ZBTB38: variants seen among roughly 807,000 people sequenced by gnomAD.
ZBTB38 encodes zinc finger and BTB domain-containing protein 38.
In ZBTB38, 20 loss-of-function variants were observed where a neutral mutation model predicts 76.8. The ratio of observed to expected loss-of-function variants is 0.26; its 90% CI spans 0.18 to 0.38. The LOEUF is 0.38. Among genes scored for constraint, ZBTB38 ranks in the 10% least tolerant of loss-of-function variants. ZBTB38 has a pLI of 1.00. For synonymous variants in ZBTB38, 504 were observed against 544.2 expected, an observed-to-expected ratio of 0.93 and a Z score of 1.03; for missense variants, 1,082 against 1,482.3, an observed-to-expected ratio of 0.73 and a Z score of 4.43.
At chr3:141,385,535 T>TTTTGCAGCAAAACCGTA (rs1946856143) in intron 3 of ZBTB38, among the ~76,000 whole-genome samples, 1 of 152,018 alleles carries the variant, frequency 6.6e-6, no homozygotes, top group Non-Finnish European at 1.5e-5. Context: ...GTGACACTGG[T>TTTTGCAGCAAAACCGTA]TTTGCAGCAA....
chr3:141,421,513 T>C (rs2075367818), intron 5 of ZBTB38, among the ~76,000 whole-genome samples: 1 of 152,130 alleles, frequency 6.6e-6, no homozygotes. Context: ...TGTTTTGTTT[T>C]GTTTTTGTTG....
intron 1 of ZBTB38, among the ~76,000 whole-genome samples, chr3:141,333,712 T>C (rs996827248): frequency 1.4e-4 from 21 of 152,120 alleles, no homozygotes; most frequent in Non-Finnish European, 2.9e-5. Context: ...AGCACCCTCA[T>C]GGACCCAGAG....
intron 1 of ZBTB38, among the ~76,000 whole-genome samples, chr3:141,346,376 G>A (rs976921054): frequency 5.3e-5 from 8 of 152,192 alleles, no homozygotes; most frequent in East Asian, 1.9e-4. Flanking sequence ...TGAAATAAAC[G>A]CTTCCCATTG....
At chr3:141,394,871 T>C (rs1018966356) in intron 4 of ZBTB38, among the ~76,000 whole-genome samples, 1 of 152,182 alleles carries the variant, frequency 6.6e-6, no homozygotes, top group African/African-American at 2.4e-5. Context: ...GAGGGAATCA[T>C]GGCCCAGAGA....
At position 141,442,189 on chromosome 3, in the gene ZBTB38, A is replaced by G. The variant is rs993718566; in HGVS notation, c.1-200A>G. 6.6e-6 allele frequency among the ~76,000 whole-genome samples: 1 copy of G among 152,234 alleles called. No homozygotes were observed. The highest frequency in any genetic ancestry group is 6.5e-5 in the Admixed American group (1 of 15,286). On this transcript the variant is annotated intron_variant, in intron 5 of 5. Coordinates refer to ENST00000321464, the MANE Select transcript of ZBTB38 (RefSeq NM_001376113.1). This position sits in a 1 kb window ranked among gnomAD's most constrained non-coding sequence, Gnocchi z 6.4. The stretch of plus-strand genomic sequence containing the variant: ...TTTCCAATGATAACAACTATTAGCA[A>G]TGGTATGAGAAACAGGCTGGGGCAA...
Position 141,444,076 on chromosome 3 carries a change from A to T in ZBTB38, c.1688A>T (p.Tyr563Phe), listed in dbSNP as rs914646028. ...GGCTTGAAGCCTAGTGTCTATCCGTATAAACTTTATAGGCTACTGCCTATG... is the reference window on the plus strand; with the variant it reads ...GGCTTGAAGCCTAGTGTCTATCCGTTTAAACTTTATAGGCTACTGCCTATG... ...NGGLKPSVYP[Y>F]KLYRLLPMKC... Residue 563 changes from tyrosine to phenylalanine, a missense_variant, in exon 6 of 6, where the codon TAT becomes TTT. Tyr to Phe is a conservative substitution (Grantham distance 22). This residue lies in a region of ZBTB38 where 471 missense variants were observed against 581.0 expected (regional missense o/e 0.81). Coordinates refer to ENST00000321464, the MANE Select transcript of ZBTB38 (RefSeq NM_001376113.1). This position sits in a 1 kb window ranked among gnomAD's most constrained non-coding sequence, Gnocchi z 5.1. The T allele has an allele frequency of 3.7e-6, 6 of 1,614,190 alleles. No individual in the cohort carries two copies. Among genetic ancestry groups the T allele is most frequent in the Non-Finnish European group, 5.1e-6 (6 of 1,180,044 alleles).
At chr3:141,417,955 A>G (rs1023381561) in intron 5 of ZBTB38, among the ~76,000 whole-genome samples, 4 of 152,200 alleles carry the variant, frequency 2.6e-5, no homozygotes, top group African/African-American at 9.7e-5. Flanking sequence ...CAGAGGTTGC[A>G]GTGAGCCGAG....
intron 2 of ZBTB38, among the ~76,000 whole-genome samples, chr3:141,379,984 T>C (rs1945956293): frequency 6.6e-6 from 1 of 152,270 alleles, no homozygotes; most frequent in South Asian, 2.1e-4. Context: ...CATTCTGTCA[T>C]TTAGTCATTA....
intron 4 of ZBTB38, among the ~76,000 whole-genome samples, chr3:141,401,479 G>T (rs1225871301): frequency 6.6e-6 from 1 of 151,916 alleles, no homozygotes; most frequent in Non-Finnish European, 1.5e-5. Flanking sequence ...ATTTAATATT[G>T]GAATCTATTC....
intron 2 of ZBTB38, among the ~76,000 whole-genome samples, chr3:141,378,664 C>T (rs932750643): frequency 6.6e-6 from 1 of 152,226 alleles, no homozygotes; most frequent in Admixed American, 6.5e-5. Context: ...GCAACTCCTA[C>T]TATTTATTTT....
At chr3:141,401,280 T>C (rs1951846448) in intron 4 of ZBTB38, among the ~76,000 whole-genome samples, 1 of 152,006 alleles carries the variant, frequency 6.6e-6, no homozygotes, top group South Asian at 2.1e-4. Flanking sequence ...ACACATGGCA[T>C]ATGGAGGAAG....
chr3:141,444,944 C>T lies in ZBTB38; in HGVS notation c.2556C>T (p.His852=), dbSNP rs1259227375. 5.0e-6 allele frequency: 8 copies of T among 1,614,064 alleles called. No individual in the cohort carries two copies. Among genetic ancestry groups the T allele is most frequent in the Non-Finnish European group, 6.8e-6 (8 of 1,180,038 alleles). Residue 852 remains histidine, a synonymous_variant, in exon 6 of 6, where the codon CAC becomes CAT. Transcript: ENST00000321464. The surrounding 1 kb of genome is among the most constrained non-coding windows in gnomAD (Gnocchi z 5.1). ...KIGNEAIVKR[H]ILGSKLFYKR... is the part of the protein sequence containing the mutation. ...GAAACGAAGCCATTGTGAAAAGGCA[C>T]ATTCTAGGATCTAAATTGTTTTATA...
intron 1 of ZBTB38, among the ~76,000 whole-genome samples, chr3:141,348,828 A>G (rs1258060127): frequency 2.0e-5 from 3 of 152,236 alleles, no homozygotes; most frequent in African/African-American, 4.8e-5. Flanking sequence ...GATAATCACC[A>G]TAGTAATGGT....
intron 1 of ZBTB38, among the ~76,000 whole-genome samples, chr3:141,329,114 T>A (rs1051065397): frequency 6.6e-6 from 1 of 152,144 alleles, no homozygotes; most frequent in Non-Finnish European, 1.5e-5. Context: ...AAACCCCGCC[T>A]CCTTGGAGCT....
chr3:141,326,987 C>T (rs1942694131), intron 1 of ZBTB38, among the ~76,000 whole-genome samples: 1 of 152,140 alleles, frequency 6.6e-6, no homozygotes, highest in Non-Finnish European at 1.5e-5. Context: ...AGTCATTTTA[C>T]CTGCATTTTA....
At position 141,443,647 on chromosome 3, in the gene ZBTB38, G is replaced by T. The variant is rs753528172; in HGVS notation, c.1259G>T (p.Gly420Val). The change falls in exon 6 of 6, where the codon GGT becomes GTT. Residue 420 changes from glycine to valine, a missense_variant. Around this residue, in one of 8 missense-constraint regions of ZBTB38, gnomAD observed 324 missense variants for 359.1 expected, o/e 0.90. Transcript: ENST00000321464. This position sits in a 1 kb window ranked among gnomAD's most constrained non-coding sequence, Gnocchi z 5.6. Reference sequence around the variant, plus strand: ...TATCCTACCATTGGACAAAATGGAGGTTCATTCACAGGTCCAGAACCTTTA... The same window carrying T: ...TATCCTACCATTGGACAAAATGGAGTTTCATTCACAGGTCCAGAACCTTTA... ...ENYPTIGQNG[G>V]SFTGPEPLLS... The T allele has an allele frequency of 2.5e-6, 4 of 1,614,176 alleles. No homozygotes were observed. Among genetic ancestry groups the T allele is most frequent in the African/African-American group, 2.7e-5 (2 of 75,048 alleles).
chr3:141,405,606 C>T (rs1391692918), intron 5 of ZBTB38: 1 of 152,192 alleles, frequency 6.6e-6, no homozygotes, highest in Non-Finnish European at 1.5e-5. Context: ...AGAGATAGCT[C>T]TAAGAATTGC....
intron 5 of ZBTB38, among the ~76,000 whole-genome samples, chr3:141,440,888 G>C (rs1436993156): frequency 2.0e-5 from 3 of 151,936 alleles, no homozygotes; most frequent in Non-Finnish European, 4.4e-5. Flanking sequence ...ACAAAAATTA[G>C]CTGGGCGTGG....
At chr3:141,384,191 A>G (rs1946605544) in intron 3 of ZBTB38, among the ~76,000 whole-genome samples, 1 of 152,240 alleles carries the variant, frequency 6.6e-6, no homozygotes, top group Non-Finnish European at 1.5e-5. Context: ...TAGTTTTGAC[A>G]GAGGGTGGAC....
Sources: allele counts gnomAD v4.1 joint callset (sites outside exome capture counted in the v4.1 genomes callset), GRCh38; gene constraint gnomAD v4.1.1; regional missense constraint gnomAD v4.1.1; non-coding constraint Gnocchi (gnomAD v3.1); transcripts MANE v1.5; gene names NCBI Gene and HGNC (gene_info 2026-07-23, HGNC 2026-07-21).